The following SYNJ1 variants were observed in gnomAD, a reference collection of about 807,000 sequenced individuals.
SYNJ1 encodes polyphosphatidylinositol phosphatase SYNJ1.
In SYNJ1, 78 loss-of-function variants were observed where a neutral mutation model predicts 168.2. The ratio of observed to expected loss-of-function variants is 0.46; its 90% CI spans 0.39 to 0.56. The LOEUF (loss-of-function observed/expected upper bound fraction) is 0.56, where lower values mean the gene tolerates loss of function less well. SYNJ1 is among the 20% of genes least tolerant of loss of function. SYNJ1 has a pLI of 0.00. For missense variants in SYNJ1, 1,303 were observed against 1,597.6 expected, an observed-to-expected ratio of 0.82 and a Z score of 3.14; for synonymous variants, 539 against 548.6, an observed-to-expected ratio of 0.98 and a Z score of 0.24.
intron 2 of SYNJ1, among the ~76,000 whole-genome samples, chr21:32,707,477 A>G (rs1214442858): frequency 1.3e-5 from 2 of 151,866 alleles, no homozygotes; most frequent in East Asian, 3.9e-4. Flanking sequence ...TTAGGACTAC[A>G]GGTACGTGCC....
rs796162430 is a variant in SYNJ1, at chr21:32,713,540, A to G, written c.125-11493T>C. 5.2e-3 allele frequency among the ~76,000 whole-genome samples: 721 copies of G among 137,928 alleles called. 4 individuals are homozygous for G. The highest frequency in any genetic ancestry group is 9.1e-3 in the Middle Eastern group (2 of 220). 90.5% of individuals were successfully genotyped at this position (137,928 alleles called of 152,430 possible). A position where few individuals can be genotyped will look rare whatever the true frequency, so the allele number is the denominator to read the frequency against. On this transcript the variant is annotated intron_variant, in intron 2 of 32. Coordinates refer to ENST00000674351, the MANE Select transcript of SYNJ1 (RefSeq NM_203446.3). The stretch of plus-strand genomic sequence containing the variant: ...TATCAACATGGATGATTTCCCATAT[A>G]TCAACATAGATGATTTCCCATATGT...
intron 18 of SYNJ1, among the ~76,000 whole-genome samples, chr21:32,662,849 C>T (rs2040768686): frequency 6.6e-6 from 1 of 152,026 alleles, no homozygotes; most frequent in African/African-American, 2.4e-5. Context: ...CAATGTAACC[C>T]CTTAGAGCTA....
chr21:32,683,768 T>C (rs2041717550), intron 10 of SYNJ1, among the ~76,000 whole-genome samples: 1 of 152,046 alleles, frequency 6.6e-6, no homozygotes, highest in African/African-American at 2.4e-5. Context: ...GAAAAAATTG[T>C]TGAAATACTA....
chr21:32,695,841 G>T lies in SYNJ1; in HGVS notation c.480-559C>A, dbSNP rs925363190. On this transcript the variant is annotated intron_variant, in intron 4 of 32. Coordinates refer to ENST00000674351, the MANE Select transcript of SYNJ1 (RefSeq NM_203446.3). ...CCAAGCCGGGCTAATTTTTTGTTTT[G>T]TTTTGTTTTTTTTTTTCTTTTTTGA... Among the ~76,000 whole-genome samples the T allele has an allele frequency of 1.6e-3, 204 of 127,744 alleles. 1 individual carries two copies. The highest frequency in any genetic ancestry group is 3.9e-3 in the African/African-American group (132 of 33,510). The allele number at this position is 127,744 out of a possible 152,430, so 83.8% of individuals were successfully genotyped here.
chr21:32,694,221 C>A lies in SYNJ1; in HGVS notation c.789+7G>T. On this transcript the variant is annotated splice_region_variant and intron_variant, in intron 6 of 32. Transcript: ENST00000674351. ...AAAACAAAAATAACTGAATGTCAAA[C>A]ACATACTTGCAACCCTGGTTGCTCC... The A allele has an allele frequency of 6.5e-7, 1 of 1,527,186 alleles. No individual in the cohort carries two copies. The highest frequency in any genetic ancestry group is 2.4e-5 in the Admixed American group (1 of 41,326). 94.6% of individuals were successfully genotyped at this position (1,527,186 alleles called of 1,614,324 possible).
chr21:32,719,259 T>C (rs1362143918), intron 2 of SYNJ1, among the ~76,000 whole-genome samples: 1 of 152,232 alleles, frequency 6.6e-6, no homozygotes, highest in Non-Finnish European at 1.5e-5. Flanking sequence ...ACTATTAACC[T>C]GAGGTGCTTG....
At chr21:32,709,497 A>AAAAAAC (rs1555909946) in intron 2 of SYNJ1, among the ~76,000 whole-genome samples, 5 of 148,916 alleles carry the variant, frequency 3.4e-5, no homozygotes, top group African/African-American at 1.0e-4. Context: ...AAAAAAAAAA[A>AAAAAAC]AAAAGAAAGA....
intron 2 of SYNJ1, among the ~76,000 whole-genome samples, chr21:32,709,477 C>CAAAAAA (rs35527256): frequency 2.0e-4 from 8 of 39,402 alleles, no homozygotes; most frequent in African/African-American, 4.6e-4. Flanking sequence ...GACTCTGTCT[C>CAAAAAA]AAAAAAAAAA....
In SYNJ1 at chr21:32,666,065, G is replaced by A. The variant is rs779404219; in HGVS notation, c.2023C>T (p.Arg675Ter). 3 of 1,613,778 alleles carry A rather than the reference G, an allele frequency of 1.9e-6. No homozygotes were observed. Among genetic ancestry groups the A allele is most frequent in the Non-Finnish European group, 1.7e-6 (2 of 1,179,924 alleles). The change falls in exon 17 of 33, where the codon CGA (arginine) becomes TGA (stop). Residue 675 changes from arginine (R) to a stop codon, truncating the protein, a stop_gained. Coordinates refer to ENST00000674351, the MANE Select transcript of SYNJ1 (RefSeq NM_203446.3). LOFTEE classifies it high-confidence loss of function. Reference protein sequence around the residue: ...ATGNKGAVAIRMLFHTTSLCF... With the variant: ...ATGNKGAVAI Reference sequence around the variant, plus strand: ...AGGCTGGTTGTATGGAAGAGCATTCGGATTGCAACTGCTCCCTTATTTCCA... The same window carrying A: ...AGGCTGGTTGTATGGAAGAGCATTCAGATTGCAACTGCTCCCTTATTTCCA...
chr21:32,662,555 G>A (rs1032245712), intron 18 of SYNJ1, among the ~76,000 whole-genome samples: 3 of 152,250 alleles, frequency 2.0e-5, no homozygotes, highest in East Asian at 1.9e-4. Context: ...ATGGGGACTT[G>A]TAAATGATAC....
At chr21:32,672,233 T>C (rs1197490134) in intron 14 of SYNJ1, among the ~76,000 whole-genome samples, 1 of 151,948 alleles carries the variant, frequency 6.6e-6, no homozygotes, top group Non-Finnish European at 1.5e-5. Context: ...CCCTCACATA[T>C]AAAACTTGGT....
At chr21:32,724,231 T>C (rs2043360111) in intron 2 of SYNJ1, among the ~76,000 whole-genome samples, 1 of 152,210 alleles carries the variant, frequency 6.6e-6, no homozygotes, top group African/African-American at 2.4e-5. Flanking sequence ...CTCACGCCTG[T>C]AATCCCAGCA....
intron 11 of SYNJ1, 142 bp downstream of exon 11, chr21:32,681,354 A>G (rs2041615223): frequency 2.8e-5 from 25 of 898,612 alleles, no homozygotes; most frequent in Non-Finnish European, 3.7e-5. Context: ...GTATCAAAGA[A>G]GGCATAAAAG....
chr21:32,655,925 C>T (rs560559993), intron 21 of SYNJ1, among the ~76,000 whole-genome samples: 2 of 152,270 alleles, frequency 1.3e-5, no homozygotes, highest in East Asian at 3.9e-4. Flanking sequence ...CTTGACTAGT[C>T]ATCACATCTC....
At chr21:32,643,766 T>C (rs914703294) in intron 26 of SYNJ1, among the ~76,000 whole-genome samples, 15 of 152,326 alleles carry the variant, frequency 9.8e-5, no homozygotes, top group African/African-American at 3.6e-4. Flanking sequence ...AAAATCATCT[T>C]ACTCCTTATA....
At chr21:32,706,666 C>G (rs1331946430) in intron 2 of SYNJ1, among the ~76,000 whole-genome samples, 1 of 152,130 alleles carries the variant, frequency 6.6e-6, no homozygotes, top group South Asian at 2.1e-4. Flanking sequence ...TTATCTCTGA[C>G]GTTAATAAGG....
intron 6 of SYNJ1, among the ~76,000 whole-genome samples, chr21:32,690,926 A>G (rs553301874): frequency 1.8e-4 from 28 of 151,726 alleles, no homozygotes; most frequent in South Asian, 1.0e-3. Flanking sequence ...AACTTGGGGG[A>G]AAAAAAAAGC....
intron 14 of SYNJ1, 83 bp downstream of exon 14, chr21:32,673,257 C>T: frequency 1.6e-6 from 2 of 1,242,182 alleles, no homozygotes; most frequent in Non-Finnish European, 1.1e-6. Flanking sequence ...ATTAATGCAT[C>T]CTCTGAAGTG....
chr21:32,690,190 G>A (rs1026605485), intron 6 of SYNJ1, among the ~76,000 whole-genome samples: 1 of 152,022 alleles, frequency 6.6e-6, no homozygotes, highest in African/African-American at 2.4e-5. Context: ...GCAATATACT[G>A]GCTAGACTAG....
Sources: allele counts gnomAD v4.1 joint callset (sites outside exome capture counted in the v4.1 genomes callset), GRCh38; gene constraint gnomAD v4.1.1; transcripts MANE v1.5; gene names NCBI Gene and HGNC (gene_info 2026-07-23, HGNC 2026-07-21).